Variants in WWTR1 observed in about 807,000 individuals in gnomAD.
The protein encoded by WWTR1 is WW domain containing transcription regulator 1.
In WWTR1, 13 loss-of-function variants were observed where a neutral mutation model predicts 40.1. The observed-to-expected ratio is 0.32, with a 90% CI of 0.21 to 0.52. WWTR1 has a LOEUF of 0.52. WWTR1 is among the 20% of genes least tolerant of loss of function. WWTR1 has a pLI of 0.97. For missense variants in WWTR1, 436 were observed against 523.1 expected, an observed-to-expected ratio of 0.83 and a Z score of 1.63; for synonymous variants, 230 against 210.1, an observed-to-expected ratio of 1.09 and a Z score of -0.82.
intron 2 of WWTR1, among the ~76,000 whole-genome samples, chr3:149,583,860 G>A (rs1738278592): frequency 6.6e-6 from 1 of 152,168 alleles, no homozygotes; most frequent in Admixed American, 6.6e-5. Context: ...AAACAGCACA[G>A]ACTCTATTGT....
At chr3:149,599,415 A>G (rs1739145332) in intron 2 of WWTR1, among the ~76,000 whole-genome samples, 1 of 152,250 alleles carries the variant, frequency 6.6e-6, no homozygotes, top group Admixed American at 6.5e-5. Context: ...ACTGTTTGCA[A>G]ATGGCTGGGA....
chr3:149,579,513 G>A (rs56679429), intron 2 of WWTR1, among the ~76,000 whole-genome samples: 76,297 of 151,446 alleles, frequency 0.5, 20,506 homozygotes, highest in East Asian at 0.75. Context: ...CAGAAGAAAT[G>A]TTCCACAGAT....
intron 2 of WWTR1, among the ~76,000 whole-genome samples, chr3:149,604,550 G>T (rs1199685015): frequency 1.3e-5 from 2 of 152,218 alleles, no homozygotes; most frequent in Non-Finnish European, 2.9e-5. Context: ...TTCCAGGAGG[G>T]CCAGGTGCTC....
intron 2 of WWTR1, among the ~76,000 whole-genome samples, chr3:149,610,861 G>C (rs1739705071): frequency 6.6e-6 from 1 of 152,162 alleles, no homozygotes; most frequent in South Asian, 2.1e-4. Flanking sequence ...AAGCCTTACT[G>C]TCCAGGCACA....
intron 1 of WWTR1, among the ~76,000 whole-genome samples, chr3:149,672,503 T>C (rs1340529816): frequency 6.6e-6 from 1 of 152,210 alleles, no homozygotes; most frequent in Non-Finnish European, 1.5e-5. Flanking sequence ...GCCAAGCCTC[T>C]AAAGAGTCAA....
intron 6 of WWTR1, chr3:149,525,803 TACTATGCTC>T: frequency 5.7e-6 from 2 of 347,886 alleles, no homozygotes; most frequent in Non-Finnish European, 1.0e-5. Flanking sequence ...AACTATTGGG[TACTATGCTC>T]ACTACCTGGG....
chr3:149,694,952 A>T (rs1714937811), intron 1 of WWTR1, among the ~76,000 whole-genome samples: 1 of 152,244 alleles, frequency 6.6e-6, no homozygotes, highest in South Asian at 2.1e-4. Context: ...AATATGGTAC[A>T]CATACACAAT....
At chr3:149,609,575 A>G (rs374751985) in intron 2 of WWTR1, among the ~76,000 whole-genome samples, 146 of 152,374 alleles carry the variant, frequency 9.6e-4, no homozygotes, top group Non-Finnish European at 1.4e-3. Context: ...ATTTGTTTCT[A>G]AAACTGTCTA....
At chr3:149,619,554 T>C (rs970500685) in intron 2 of WWTR1, among the ~76,000 whole-genome samples, 3 of 152,078 alleles carry the variant, frequency 2.0e-5, no homozygotes, top group African/African-American at 7.2e-5. Context: ...GCCTAGGAGT[T>C]CCAGGTTACA....
chr3:149,617,350 T>C (rs1356127365), intron 2 of WWTR1, among the ~76,000 whole-genome samples: 3 of 152,304 alleles, frequency 2.0e-5, no homozygotes. Flanking sequence ...GCTTATGTAG[T>C]AGCATGTGGA....
At chr3:149,533,450 C>T (rs972456700) in intron 4 of WWTR1, among the ~76,000 whole-genome samples, 4 of 152,186 alleles carry the variant, frequency 2.6e-5, no homozygotes, top group African/African-American at 7.2e-5. Context: ...AATGAACTGT[C>T]ACAGGAAAGA....
intron 2 of WWTR1, among the ~76,000 whole-genome samples, chr3:149,585,557 AT>A (rs11309780): frequency 0.45 from 67,465 of 148,346 alleles, 15,220 homozygotes; most frequent in East Asian, 0.64. Context: ...GCACCCCACA[AT>A]TTTTTTTTTT....
Position 149,618,614 on chromosome 3 carries a change from G to A in WWTR1, c.431+38262C>T, listed in dbSNP as rs1740115850. Among the ~76,000 whole-genome samples, 3 of 152,176 alleles carry A rather than the reference G, an allele frequency of 2.0e-5. No individual in the cohort carries two copies. The South Asian group carries it at 6.2e-4, about 32-fold the overall frequency. On this transcript the variant is annotated intron_variant, in intron 2 of 6. Transcript: ENST00000360632. ...ACAGACAAATGCAGAAAAAGAGAGA[G>A]AGAAAGATGTAATGTCAGATGTGAA...
intron 1 of WWTR1, among the ~76,000 whole-genome samples, chr3:149,680,510 C>G (rs1714421447): frequency 2.0e-5 from 3 of 152,228 alleles, no homozygotes; most frequent in African/African-American, 7.2e-5. Flanking sequence ...TGCCACTGCA[C>G]TCCAGCCTGG....
intron 3 of WWTR1, among the ~76,000 whole-genome samples, chr3:149,558,452 A>G (rs1208833913): frequency 6.6e-6 from 1 of 152,210 alleles, no homozygotes; most frequent in African/African-American, 2.4e-5. Flanking sequence ...GACCTGGTAG[A>G]CCAAAAAGCC....
intron 2 of WWTR1, among the ~76,000 whole-genome samples, chr3:149,605,290 G>C (rs757087779): frequency 7.9e-5 from 12 of 152,176 alleles, no homozygotes; most frequent in Non-Finnish European, 1.5e-4. Flanking sequence ...AGGAGAGTAA[G>C]ACCAGCTACC....
At chr3:149,571,209 CTTTT>C (rs1737607405) in intron 3 of WWTR1, among the ~76,000 whole-genome samples, 1 of 99,086 alleles carries the variant, frequency 1.0e-5, no homozygotes, top group Non-Finnish European at 2.1e-5. Context: ...ATTTTTTTTT[CTTTT>C]CTTTTTTTTT....
At chr3:149,650,120 T>C (rs1342898668) in intron 2 of WWTR1, 1 of 152,150 alleles carries the variant, frequency 6.6e-6, no homozygotes, top group Non-Finnish European at 1.5e-5. Context: ...TTCTGGTATA[T>C]TTGGGTTTTC....
chr3:149,532,473 A>G (rs920710895), intron 4 of WWTR1, among the ~76,000 whole-genome samples: 4 of 152,214 alleles, frequency 2.6e-5, no homozygotes, highest in Admixed American at 6.5e-5. Flanking sequence ...ATTTTTATAT[A>G]ACATAAAATT....
Sources: allele counts gnomAD v4.1 joint callset (sites outside exome capture counted in the v4.1 genomes callset), GRCh38; gene constraint gnomAD v4.1.1; transcripts MANE v1.5; gene names NCBI Gene and HGNC (gene_info 2026-07-23, HGNC 2026-07-21).